Variants in CACNA1G observed in about 807,000 individuals in gnomAD.
CACNA1G encodes voltage-dependent T-type calcium channel subunit alpha-1G.
Under a neutral mutation model 219.4 loss-of-function variants are expected in CACNA1G, and 67 were observed. The ratio of observed to expected loss-of-function variants is 0.31; its 90% CI spans 0.25 to 0.37. The LOEUF (loss-of-function observed/expected upper bound fraction) is 0.37. Ranked by LOEUF, CACNA1G falls within the 10% of genes least tolerant of loss-of-function variation. The pLI is 1.00. For synonymous variants in CACNA1G, 1,296 were observed against 1,345.3 expected (o/e 0.96, Z 0.80); for missense variants, 2,380 against 3,231.4 (o/e 0.74, Z 6.39).
chr17:50,592,324 G>C (rs1415012276), intron 13 of CACNA1G, among the ~76,000 whole-genome samples: 1 of 152,184 alleles, frequency 6.6e-6, no homozygotes, highest in Non-Finnish European at 1.5e-5. Flanking sequence ...CCAAAGCTTA[G>C]CTACCGAGTA....
At chr17:50,567,819 T>C (rs1228996658) in intron 1 of CACNA1G, among the ~76,000 whole-genome samples, 2 of 152,198 alleles carry the variant, frequency 1.3e-5, no homozygotes, top group Non-Finnish European at 2.9e-5. Flanking sequence ...ATTCTCCTGC[T>C]GATGGGCTGG....
At position 50,627,206 on chromosome 17, in the gene CACNA1G, C is replaced by A; in HGVS notation, c.*455C>A. 4.4e-6 allele frequency: 2 copies of A among 454,412 alleles called. No homozygotes were observed. The highest frequency in any genetic ancestry group is 3.1e-5 in the South Asian group (2 of 64,470). The allele number at this position is 454,412 out of a possible 1,614,324, so 28.1% of individuals were successfully genotyped here. On this transcript the variant is annotated 3_prime_UTR_variant, in exon 38 of 38. Coordinates refer to ENST00000359106, the MANE Select transcript of CACNA1G (RefSeq NM_018896.5). ...CTAAAATAACAGTCTAGTTATATTC[C>A]CTCTTCTTGCAAAGCACAAGCTGGG...
At chr17:50,609,239 G>T (rs754801318) in intron 25 of CACNA1G, among the ~76,000 whole-genome samples, 11 of 152,264 alleles carry the variant, frequency 7.2e-5, no homozygotes, top group Non-Finnish European at 1.5e-4. Flanking sequence ...GAGGGTGGAG[G>T]TGGGAGGGGG....
At position 50,600,554 on chromosome 17, in the gene CACNA1G, G is replaced by A. The variant is rs1361737839; in HGVS notation, c.3691-172G>A. Among the ~76,000 whole-genome samples the A allele has an allele frequency of 6.6e-6, 1 of 152,022 alleles. No homozygotes were observed. Among genetic ancestry groups the A allele is most frequent in the African/African-American group, 2.4e-5 (1 of 41,356 alleles). On this transcript the variant is annotated intron_variant, in intron 17 of 37. Coordinates refer to ENST00000359106, the MANE Select transcript of CACNA1G (RefSeq NM_018896.5). The surrounding 1 kb of genome is among the most constrained non-coding windows in gnomAD (Gnocchi z 4.1). ...GATGGGGAGGGGGCCTGGCAAGGTT[G>A]ACAGGGAGATGAGGAGGTGGCTTTA...
At position 50,603,297 on chromosome 17, in the gene CACNA1G, G is replaced by T. The variant is rs770486265; in HGVS notation, c.4169+98G>T. The stretch of plus-strand genomic sequence containing the variant: ...ACTCCCTGCCACGAAACAAAAGCCT[G>T]CACAGGCCAGCATCCTGTCTGTGAC... On this transcript the variant is annotated intron_variant, in intron 21 of 37. Coordinates refer to ENST00000359106, the MANE Select transcript of CACNA1G (RefSeq NM_018896.5). The surrounding 1 kb of genome is among the most constrained non-coding windows in gnomAD (Gnocchi z 6.4). 50 of 982,622 alleles carry T rather than the reference G, an allele frequency of 5.1e-5. No individual in the cohort carries two copies. The highest frequency in any genetic ancestry group is 7.3e-5 in the Non-Finnish European group (48 of 660,388). 60.9% of individuals were successfully genotyped at this position (982,622 alleles called of 1,614,324 possible).
chr17:50,561,777 G>A, intron 1 of CACNA1G, 76 bp downstream of exon 1: 1 of 1,137,700 alleles, frequency 8.8e-7, no homozygotes, highest in Non-Finnish European at 1.1e-6. Context: ...CGGGGGGGAA[G>A]AAGACCCACC....
chr17:50,600,431 A>G lies in CACNA1G; in HGVS notation c.3691-295A>G. 7.3e-6 allele frequency among the ~76,000 whole-genome samples: 1 copy of G among 136,820 alleles called. No homozygotes were observed. Among genetic ancestry groups the G allele is most frequent in the East Asian group, 2.3e-4 (1 of 4,304 alleles). The allele number at this position is 136,820 out of a possible 152,430, so 89.8% of individuals were successfully genotyped here. ...TCCCAGCTCAGCAGGGAGGACAGGCAGGGGGCTGGGCTGGAGGCAGGGGTG... is the reference window on the plus strand; with the variant it reads ...TCCCAGCTCAGCAGGGAGGACAGGCGGGGGGCTGGGCTGGAGGCAGGGGTG... On this transcript the variant is annotated intron_variant, in intron 17 of 37. Coordinates refer to ENST00000359106, the MANE Select transcript of CACNA1G (RefSeq NM_018896.5). The surrounding 1 kb of genome is among the most constrained non-coding windows in gnomAD (Gnocchi z 4.1).
intron 14 of CACNA1G, among the ~76,000 whole-genome samples, chr17:50,595,579 G>A (rs1196139143): frequency 6.6e-6 from 1 of 152,246 alleles, no homozygotes; most frequent in East Asian, 1.9e-4. Context: ...TTGCCAAAAT[G>A]TACCAATATT....
chr17:50,575,545 G>C lies in CACNA1G; in HGVS notation c.1143G>C (p.Val381=). Residue 381 remains valine, a splice_region_variant and synonymous_variant, in exon 8 of 38, where the codon GTG becomes GTC. Coordinates refer to ENST00000359106, the MANE Select transcript of CACNA1G (RefSeq NM_018896.5). ...NFIYFILLII[V]GSFFMINLCL... is the part of the protein sequence containing the mutation. ...TCTTCCTGTCCCCACCCCTACAGGT[G>C]GGCTCCTTCTTCATGATCAACCTGT... The C allele has an allele frequency of 1.2e-6, 2 of 1,605,704 alleles. 1 individual carries two copies. Among genetic ancestry groups the C allele is most frequent in the Middle Eastern group, 3.9e-4 (2 of 5,122 alleles).
chr17:50,575,219 A>C (rs2040398504), intron 7 of CACNA1G, among the ~76,000 whole-genome samples: 1 of 152,116 alleles, frequency 6.6e-6, no homozygotes. Context: ...GGGACAGGGA[A>C]TTTGAGAGAT....
chr17:50,568,877 G>A lies in CACNA1G; in HGVS notation c.250G>A (p.Glu84Lys), dbSNP rs1484553466. Residue 84 changes from glutamate to lysine, a missense_variant, in exon 2 of 38, where the codon GAG becomes AAG. Around this residue, in one of 17 missense-constraint regions of CACNA1G, gnomAD observed 64 missense variants for 103.7 expected, o/e 0.62. Coordinates refer to ENST00000359106, the MANE Select transcript of CACNA1G (RefSeq NM_018896.5). ...CLRTVCNPWF[E>K]RISMLVILLN... ...TTCCTTGACTGCCAGTACCTGGTTT[G>A]AGCGCATCAGCATGTTGGTCATCCT... 6.2e-7 allele frequency: 1 copy of A among 1,613,568 alleles called. No individual in the cohort carries two copies. The highest frequency in any genetic ancestry group is 1.1e-5 in the South Asian group (1 of 91,080).
Position 50,596,859 on chromosome 17 carries a change from C to G in CACNA1G, c.3194C>G (p.Ala1065Gly), listed in dbSNP as rs377426630. 2 of 1,596,728 alleles carry G rather than the reference C, an allele frequency of 1.3e-6. No homozygotes were observed. Among genetic ancestry groups the G allele is most frequent in the African/African-American group, 1.3e-5 (1 of 74,532 alleles). Residue 1065 changes from alanine to glycine, a missense_variant, in exon 16 of 38, where the codon GCG becomes GGG. Coordinates refer to ENST00000359106, the MANE Select transcript of CACNA1G (RefSeq NM_018896.5). The surrounding 1 kb of genome is among the most constrained non-coding windows in gnomAD (Gnocchi z 4.8). ...GGCCTGGGCGAGGCGCTGGGCCCTG[C>G]GTCGCGCCGCACCAGCAGCAGCGGG... The part of the protein sequence containing the change: ...STGLGEALGP[A>G]SRRTSSSGSA...
rs753868950 is a variant in CACNA1G at position 50,604,224 on chromosome 17, C to A, written c.4239C>A (p.Gly1413=). The change falls in exon 22 of 38, where the codon GGC becomes GGA. Residue 1413 remains glycine, a synonymous_variant. Coordinates refer to ENST00000359106, the MANE Select transcript of CACNA1G (RefSeq NM_018896.5). ...TGATGTCCTCACTGAAACCCATCGG[C>A]AACATTGTAGTCATCTGCTGTGCCT... ...ETLMSSLKPI[G]NIVVICCAFF... is the part of the protein sequence containing the mutation. 7.4e-6 allele frequency: 12 copies of A among 1,613,730 alleles called. No homozygotes were observed. The highest frequency in any genetic ancestry group is 1.0e-5 in the Non-Finnish European group (12 of 1,179,790).
At position 50,610,028 on chromosome 17, in the gene CACNA1G, G is replaced by C. The variant is rs540916013; in HGVS notation, c.4759+93G>C. 1.2e-5 allele frequency: 16 copies of C among 1,336,760 alleles called. No individual in the cohort carries two copies. In the African/African-American group the frequency reaches 1.7e-4, roughly 14 times the overall value. The allele number at this position is 1,336,760 out of a possible 1,614,324, so 82.8% of individuals were successfully genotyped here. On this transcript the variant is annotated intron_variant, in intron 26 of 37. Transcript: ENST00000359106. ...TGATTCTATCCTCTTGGGGTGAAAG[G>C]GTGAGGGTCCCTGGGGCCCCCAAGA...
intron 16 of CACNA1G, among the ~76,000 whole-genome samples, chr17:50,598,652 G>C (rs2046024441): frequency 6.6e-6 from 1 of 152,230 alleles, no homozygotes; most frequent in Non-Finnish European, 1.5e-5. Context: ...CAATCCAACA[G>C]GTGTGAGATA....
rs1679111720 is a variant in CACNA1G, at chr17:50,564,125, A to AGTGTGTAAGTGTGTGTGTGT, written c.242+2430_242+2431insAAGTGTGTGTGTGTGTGTGT. On this transcript the variant is annotated intron_variant, in intron 1 of 37. Transcript: ENST00000359106. ...AGAGGAGATCTAGACCCAGGTAGGA[A>AGTGTGTAAGTGTGTGTGTGT]GTGTGTGTGTGTGTGTGTGTGTGTG... Among the ~76,000 whole-genome samples the AGTGTGTAAGTGTGTGTGTGT allele has an allele frequency of 6.5e-5, 9 of 138,702 alleles. No homozygotes were observed. In the South Asian group the frequency reaches 1.9e-3, roughly 29 times the overall value. The allele number at this position is 138,702 out of a possible 152,430, so 91.0% of individuals were successfully genotyped here. A position where few individuals can be genotyped will look rare whatever the true frequency, so the allele number is the denominator to read the frequency against.
rs1252320639 is a variant in CACNA1G at position 50,601,040 on chromosome 17, T to A, written c.3792-11T>A. 1 of 1,613,262 alleles carries A rather than the reference T, an allele frequency of 6.2e-7. No individual in the cohort carries two copies. The highest frequency in any genetic ancestry group is 1.3e-5 in the African/African-American group (1 of 74,922). On this transcript the variant is annotated splice_polypyrimidine_tract_variant and intron_variant, in intron 18 of 37. Coordinates refer to ENST00000359106, the MANE Select transcript of CACNA1G (RefSeq NM_018896.5). ...CTCCCCCTCTCAGCCGTTGCCTCCA[T>A]GCCTGGGCAGGTTCCGCCTCCTGTG... is the stretch of plus-strand genomic sequence containing the variant.
At chr17:50,595,154 C>G (rs2045265799) in intron 14 of CACNA1G, 93 bp downstream of exon 14, 7 of 932,646 alleles carry the variant, frequency 7.5e-6, no homozygotes, top group Non-Finnish European at 1.0e-5. Context: ...TGTTCACGCT[C>G]CGCTGCTGTG....
At position 50,626,840 on chromosome 17, in the gene CACNA1G, T is replaced by C. The variant is rs1325707038; in HGVS notation, c.*89T>C. 7 of 1,553,378 alleles carry C rather than the reference T, an allele frequency of 4.5e-6. No homozygotes were observed. Among genetic ancestry groups the C allele is most frequent in the Middle Eastern group, 1.7e-4 (1 of 5,900 alleles). On this transcript the variant is annotated 3_prime_UTR_variant, in exon 38 of 38. Transcript: ENST00000359106. The surrounding 1 kb of genome is among the most constrained non-coding windows in gnomAD (Gnocchi z 4.3). The stretch of plus-strand genomic sequence containing the variant: ...GGCTATATTCCTGACAAAAGTTCCA[T>C]ATAGACACCAAGGAGGCGGAGGCGC...
Sources: allele counts gnomAD v4.1 joint callset (sites outside exome capture counted in the v4.1 genomes callset), GRCh38; gene constraint gnomAD v4.1.1; regional missense constraint gnomAD v4.1.1; non-coding constraint Gnocchi (gnomAD v3.1); transcripts MANE v1.5; gene names NCBI Gene and HGNC (gene_info 2026-07-23, HGNC 2026-07-21).